The following DCDC2C variants were observed in gnomAD, a reference collection of about 807,000 sequenced individuals.
DCDC2C encodes doublecortin domain-containing protein 2C.
A neutral mutation model predicts 45.0 loss-of-function variants in DCDC2C; 44 were observed. That is an observed-to-expected ratio of 0.98 (90% CI 0.77 to 1.26). The LOEUF is 1.26. DCDC2C is among the 50% of genes most tolerant of loss of function. DCDC2C has a pLI of 0.00. For synonymous variants in DCDC2C, 187 were observed against 178.8 expected (o/e 1.05, Z -0.37); for missense variants, 447 against 468.9 (o/e 0.95, Z 0.43).
intron 10 of DCDC2C, among the ~76,000 whole-genome samples, chr2:3,800,303 A>G (rs906571769): frequency 6.6e-6 from 1 of 152,148 alleles, no homozygotes; most frequent in Non-Finnish European, 1.5e-5. Flanking sequence ...GGTACCTCAG[A>G]TGGAAATGCA....
At chr2:3,839,142 TG>T (rs1672150851) in intron 10 of DCDC2C, among the ~76,000 whole-genome samples, 1 of 152,244 alleles carries the variant, frequency 6.6e-6, no homozygotes, top group Admixed American at 6.5e-5. Flanking sequence ...AACTACTTTT[TG>T]ATGTAACTTG....
intron 4 of DCDC2C, among the ~76,000 whole-genome samples, chr2:3,748,392 G>T (rs1669437196): frequency 6.7e-6 from 1 of 149,154 alleles, no homozygotes; most frequent in Non-Finnish European, 1.5e-5. Flanking sequence ...GGTGGGGGAG[G>T]TGATGCGGGA....
chr2:3,827,167 A>G (rs1166274667), intron 10 of DCDC2C, among the ~76,000 whole-genome samples: 4 of 152,206 alleles, frequency 2.6e-5, no homozygotes, highest in Non-Finnish European at 5.9e-5. Context: ...ACTTGATTAA[A>G]ATCAGATTAA....
chr2:3,726,606 T>C (rs1668694355), intron 2 of DCDC2C, among the ~76,000 whole-genome samples: 1 of 152,188 alleles, frequency 6.6e-6, no homozygotes, highest in Admixed American at 6.5e-5. Context: ...ATGTCCATTC[T>C]TGGGGCCCCA....
intron 10 of DCDC2C, among the ~76,000 whole-genome samples, chr2:3,837,202 C>T (rs1042966500): frequency 1.1e-4 from 17 of 152,088 alleles, no homozygotes; most frequent in African/African-American, 3.1e-4. Context: ...CAGGTGAAAA[C>T]GGTATTCGGA....
chr2:3,730,121 A>G (rs1050785356), intron 3 of DCDC2C, among the ~76,000 whole-genome samples: 1 of 152,172 alleles, frequency 6.6e-6, no homozygotes, highest in East Asian at 1.9e-4. Context: ...GGTGGTATGC[A>G]TCAGGAGATG....
Position 3,813,732 on chromosome 2 carries a change from C to CTT in DCDC2C, c.1065+28648_1065+28649dup, listed in dbSNP as rs3067128. 3.4e-3 allele frequency among the ~76,000 whole-genome samples: 335 copies of CTT among 99,134 alleles called. 7 individuals are homozygous for CTT. The highest frequency in any genetic ancestry group is 4.0e-3 in the African/African-American group (96 of 24,002). 65.0% of individuals were successfully genotyped at this position (99,134 alleles called of 152,430 possible). On this transcript the variant is annotated intron_variant, in intron 10 of 10. Transcript: ENST00000399143. ...TCAGAGACTAGGATTGCAACCCCTG[C>CTT]TTTTTTTTTTTTTTTTTGCTTCCCA...
At chr2:3,817,580 G>C (rs1273784319) in intron 10 of DCDC2C, among the ~76,000 whole-genome samples, 4 of 152,206 alleles carry the variant, frequency 2.6e-5, no homozygotes, top group African/African-American at 7.2e-5. Flanking sequence ...GCCTCTGAAA[G>C]TATTAAAGCA....
intron 10 of DCDC2C, among the ~76,000 whole-genome samples, chr2:3,823,264 A>T (rs1313655360): frequency 6.6e-6 from 1 of 151,160 alleles, no homozygotes; most frequent in Admixed American, 6.6e-5. Context: ...ATGTTTTTAG[A>T]TTTTCACATA....
intron 9 of DCDC2C, among the ~76,000 whole-genome samples, chr2:3,780,219 G>A (rs1433592340): frequency 6.6e-6 from 1 of 152,134 alleles, no homozygotes; most frequent in African/African-American, 2.4e-5. Context: ...AGGCTAAGAG[G>A]GGCAAACAAG....
intron 10 of DCDC2C, among the ~76,000 whole-genome samples, chr2:3,815,025 TAGAC>T (rs1671519147): frequency 6.6e-6 from 1 of 152,260 alleles, no homozygotes; most frequent in Non-Finnish European, 1.5e-5. Flanking sequence ...TCAAATGGCT[TAGAC>T]AGCAGGCAGC....
chr2:3,728,614 T>G (rs1369960941), intron 3 of DCDC2C, among the ~76,000 whole-genome samples: 2 of 152,204 alleles, frequency 1.3e-5, no homozygotes, highest in East Asian at 3.9e-4. Context: ...TCTTGGTGTG[T>G]TGGAATTTCC....
rs536310523 is a variant in DCDC2C, at chr2:3,706,027, T to C, written c.287+1989T>C. ...GGGGTTCCTTTTCTTCAGTTTTTTT[T>C]AGGTCAGTGAGTCTGAAATTGGAAT... On this transcript the variant is annotated intron_variant, in intron 1 of 10. Transcript: ENST00000399143. 1.9e-3 allele frequency among the ~76,000 whole-genome samples: 282 copies of C among 152,320 alleles called. 2 individuals are homozygous for C. Among genetic ancestry groups the C allele is most frequent in the African/African-American group, 6.5e-3 (271 of 41,574 alleles).
chr2:3,776,338 T>C (rs1670336139), intron 8 of DCDC2C, among the ~76,000 whole-genome samples: 1 of 152,060 alleles, frequency 6.6e-6, no homozygotes, highest in Non-Finnish European at 1.5e-5. Flanking sequence ...GGGAGTGGTG[T>C]CTCCTCACTT....
chr2:3,708,519 A>G (rs1222830432), intron 1 of DCDC2C, 30 bp from the exon 2 acceptor site: 1 of 1,498,276 alleles, frequency 6.7e-7, no homozygotes, highest in Non-Finnish European at 9.0e-7. Flanking sequence ...TCTTCCTTCT[A>G]ATGATGTTTT....
At chr2:3,839,029 A>T (rs1439261218) in intron 10 of DCDC2C, among the ~76,000 whole-genome samples, 1 of 152,220 alleles carries the variant, frequency 6.6e-6, no homozygotes, top group African/African-American at 2.4e-5. Flanking sequence ...AAGAATAAAA[A>T]ACTACAGTGG....
intron 1 of DCDC2C, 130 bp from the exon 2 acceptor site, chr2:3,708,419 T>C: frequency 1.6e-6 from 1 of 636,204 alleles, no homozygotes; most frequent in Non-Finnish European, 2.6e-6. Flanking sequence ...GAGAAAATTT[T>C]AGATCCTAGT....
chr2:3,833,099 T>G (rs771968053), intron 10 of DCDC2C, among the ~76,000 whole-genome samples: 1 of 152,226 alleles, frequency 6.6e-6, no homozygotes, highest in Non-Finnish European at 1.5e-5. Context: ...TCCTCTGTCT[T>G]CAAAGGCAGT....
At chr2:3,816,598 T>A (rs1182781886) in intron 10 of DCDC2C, among the ~76,000 whole-genome samples, 1 of 152,108 alleles carries the variant, frequency 6.6e-6, no homozygotes, top group Non-Finnish European at 1.5e-5. Context: ...CAGGGTGGCA[T>A]AAGAATGGGA....
Sources: gnomAD v4.1 joint callset for allele counts (sites outside exome capture counted in the v4.1 genomes callset) on GRCh38, gnomAD v4.1.1 for gene constraint, MANE v1.5 for transcripts, NCBI Gene and HGNC (gene_info 2026-07-23, HGNC 2026-07-21) for gene names.